ANKRD31: variants seen among roughly 807,000 people sequenced by gnomAD.
ANKRD31 encodes ankyrin repeat domain 31, also known as ankyrin repeat domain-containing protein 31.
ANKRD31 carries 147 observed loss-of-function variants against 186.0 expected under a neutral mutation model. The ratio of observed to expected loss-of-function variants is 0.79; its 90% confidence interval spans 0.69 to 0.91. The LOEUF is 0.91. Ranked by LOEUF, ANKRD31 falls within the 40% of genes least tolerant of loss-of-function variation. The pLI, the probability that ANKRD31 is intolerant of heterozygous loss-of-function variation, is 0.00. For missense variants in ANKRD31, 1,986 were observed against 2,148.8 expected (o/e 0.92, Z 1.50); for synonymous variants, 673 against 736.4 (o/e 0.91, Z 1.39).
At chr5:75,122,699 G>C (rs1240265693) in intron 17 of ANKRD31, among the ~76,000 whole-genome samples, 7 of 152,080 alleles carry the variant, frequency 4.6e-5, no homozygotes, top group Non-Finnish European at 1.0e-4. Context: ...CATTTCAATA[G>C]ATGTGGAAAA....
At chr5:75,226,217 C>T (rs1432225183) in intron 2 of ANKRD31, among the ~76,000 whole-genome samples, 1 of 152,200 alleles carries the variant, frequency 6.6e-6, no homozygotes, top group Non-Finnish European at 1.5e-5. Flanking sequence ...TCTAGACCTG[C>T]CCGAGGATTT....
intron 11 of ANKRD31, among the ~76,000 whole-genome samples, chr5:75,167,604 C>T (rs866779450): frequency 2.6e-5 from 4 of 152,186 alleles, no homozygotes; most frequent in African/African-American, 9.7e-5. Flanking sequence ...AGAGGGAATG[C>T]AGTAAGTGGG....
chr5:75,197,025 T>C (rs1055777146), intron 6 of ANKRD31, among the ~76,000 whole-genome samples: 2 of 152,072 alleles, frequency 1.3e-5, no homozygotes, highest in African/African-American at 4.8e-5. Flanking sequence ...CTCAGCCTCT[T>C]GAGTAGCTGG....
intron 2 of ANKRD31, among the ~76,000 whole-genome samples, chr5:75,224,159 A>G (rs1440790651): frequency 0.02 from 894 of 45,666 alleles, 16 homozygotes; most frequent in African/African-American, 0.08. Context: ...ATATATATAT[A>G]TGTATATATA....
At chr5:75,160,561 T>A (rs988063953) in intron 11 of ANKRD31, among the ~76,000 whole-genome samples, 1 of 152,178 alleles carries the variant, frequency 6.6e-6, no homozygotes, top group Non-Finnish European at 1.5e-5. Context: ...TGATTCTTTT[T>A]AAAAATATAC....
rs1338664207 is a variant in ANKRD31, at chr5:75,210,817, A to G, written c.326+11T>C. The G allele has an allele frequency of 5.4e-6, 8 of 1,492,650 alleles. No individual in the cohort carries two copies. In the Admixed American group the frequency reaches 2.0e-4, roughly 37 times the overall value. The allele number at this position is 1,492,650 out of a possible 1,614,324, so 92.5% of individuals were successfully genotyped here. Reference sequence around the variant, plus strand: ...CTACAACATAATGAAGCCAAAAATTAGTATACTTACTGTAACAGAGCTTGA... The same window carrying G: ...CTACAACATAATGAAGCCAAAAATTGGTATACTTACTGTAACAGAGCTTGA... On this transcript the variant is annotated intron_variant, in intron 4 of 25. Transcript: ENST00000506364.
chr5:75,136,893 T>C (rs1291761979), intron 17 of ANKRD31, among the ~76,000 whole-genome samples: 6 of 152,090 alleles, frequency 3.9e-5, no homozygotes, highest in Non-Finnish European at 5.9e-5. Flanking sequence ...AAACCATCAT[T>C]CTGAGCAAAT....
intron 3 of ANKRD31, among the ~76,000 whole-genome samples, chr5:75,219,294 C>T (rs1258886864): frequency 1.3e-5 from 2 of 152,150 alleles, no homozygotes; most frequent in Non-Finnish European, 2.9e-5. Flanking sequence ...AGCAAAGTTT[C>T]AGAACACAAA....
intron 20 of ANKRD31, among the ~76,000 whole-genome samples, chr5:75,110,689 C>G (rs936394822): frequency 7.0e-6 from 1 of 143,846 alleles, no homozygotes; most frequent in Non-Finnish European, 1.5e-5. Context: ...AACCTGGTGA[C>G]AGAGTGAAAC....
chr5:75,186,798 T>C (rs1265999368), intron 10 of ANKRD31, among the ~76,000 whole-genome samples: 3 of 152,190 alleles, frequency 2.0e-5, no homozygotes, highest in African/African-American at 7.2e-5. Flanking sequence ...AAAAGACCAT[T>C]GGTCCACTAT....
intron 23 of ANKRD31, among the ~76,000 whole-genome samples, chr5:75,088,754 A>G (rs1745700991): frequency 6.6e-6 from 1 of 152,114 alleles, no homozygotes; most frequent in African/African-American, 2.4e-5. Flanking sequence ...AACTTCCCAA[A>G]CCTTTGTTTT....
intron 21 of ANKRD31, among the ~76,000 whole-genome samples, chr5:75,105,424 T>C (rs566370369): frequency 6.6e-6 from 1 of 152,310 alleles, no homozygotes; most frequent in East Asian, 1.9e-4. Context: ...GAGAGGAAGC[T>C]GATTCCTTTA....
intron 11 of ANKRD31, among the ~76,000 whole-genome samples, chr5:75,168,071 A>G (rs1235590951): frequency 6.6e-6 from 1 of 152,140 alleles, no homozygotes; most frequent in East Asian, 1.9e-4. Context: ...TCACCAAGAT[A>G]TACATTATCA....
chr5:75,104,966 T>C lies in ANKRD31; in HGVS notation c.4593A>G (p.Ser1531=), dbSNP rs1747211089. The change falls in exon 22 of 26, where the codon TCA becomes TCG. Residue 1531 remains serine (S), a synonymous_variant. Transcript: ENST00000506364. ...GCATGCTTCCAGAAACAGGAGAAAG[T>C]GAACCTGATTGGGGATGCTCTAAAT... ...LENLEHPQSG[S]LSPVSGSMQE... 9 of 1,537,182 alleles carry C rather than the reference T, an allele frequency of 5.9e-6. No homozygotes were observed. Among genetic ancestry groups the C allele is most frequent in the Non-Finnish European group, 7.0e-6 (8 of 1,146,886 alleles).
intron 12 of ANKRD31, 36 bp from the exon 13 acceptor site, chr5:75,148,664 T>C: frequency 6.7e-7 from 1 of 1,485,886 alleles, no homozygotes; most frequent in South Asian, 1.3e-5. Flanking sequence ...GAAAACAGCT[T>C]CTAGTGTTTA....
chr5:75,152,973 AC>A (rs1441112935), intron 12 of ANKRD31, among the ~76,000 whole-genome samples: 1 of 151,850 alleles, frequency 6.6e-6, no homozygotes, highest in African/African-American at 2.4e-5. Context: ...TCAGTGACTC[AC>A]TTCTAACAAA....
chr5:75,204,324 T>A (rs1450279475), intron 5 of ANKRD31, among the ~76,000 whole-genome samples: 43 of 152,214 alleles, frequency 2.8e-4, no homozygotes, highest in Admixed American at 2.8e-3. Flanking sequence ...GATTACCTGC[T>A]TTTTTGTTGG....
intron 21 of ANKRD31, 116 bp downstream of exon 21, chr5:75,107,405 T>C (rs1470676545): frequency 1.5e-6 from 1 of 670,616 alleles, no homozygotes; most frequent in African/African-American, 1.8e-5. Context: ...CATAAAGTCA[T>C]TATTTGGCCC....
intron 19 of ANKRD31, 77 bp from the exon 20 acceptor site, chr5:75,112,677 G>T: frequency 1.1e-6 from 1 of 892,120 alleles, no homozygotes; most frequent in Non-Finnish European, 1.6e-6. Flanking sequence ...CAAACACAGA[G>T]TAAATAAAAT....
Sources: allele counts gnomAD v4.1 joint callset (sites outside exome capture counted in the v4.1 genomes callset), GRCh38; gene constraint gnomAD v4.1.1; transcripts MANE v1.5; gene names NCBI Gene and HGNC (gene_info 2026-07-23, HGNC 2026-07-21).